The following TPRA1 variants were observed in gnomAD, a reference collection of about 807,000 sequenced individuals.
TPRA1 encodes transmembrane protein adipocyte-associated 1.
In TPRA1, 28 loss-of-function variants were observed where a neutral mutation model predicts 40.1. That is an observed-to-expected ratio of 0.70 (90% CI 0.52 to 0.96). The LOEUF (loss-of-function observed/expected upper bound fraction) is 0.96, where lower values mean the gene tolerates loss of function less well. TPRA1 is among the 40% of genes least tolerant of loss of function. The probability of loss-of-function intolerance (pLI) is 0.00; values close to 1 mark genes in which losing one functional copy is unlikely to be tolerated. For missense variants in TPRA1, 441 were observed against 482.6 expected, an observed-to-expected ratio of 0.91 and a Z score of 0.81; for synonymous variants, 219 against 209.7, an observed-to-expected ratio of 1.04 and a Z score of -0.38.
intron 1 of TPRA1, 89 bp downstream of exon 1, chr3:127,590,321 G>A (rs1268362087): frequency 6.6e-6 from 1 of 152,246 alleles, no homozygotes; most frequent in African/African-American, 2.4e-5. Flanking sequence ...GGAGCAAGGA[G>A]GGGAACGGCG....
chr3:127,577,248 G>T (rs950392045), intron 3 of TPRA1, among the ~76,000 whole-genome samples, 172 bp from the exon 4 acceptor site: 1 of 152,172 alleles, frequency 6.6e-6, no homozygotes, highest in Non-Finnish European at 1.5e-5. Flanking sequence ...AGGAAGCAAG[G>T]CTCACAGAGT....
At chr3:127,583,987 C>T (rs1182089281) in intron 1 of TPRA1, among the ~76,000 whole-genome samples, 1 of 151,606 alleles carries the variant, frequency 6.6e-6, no homozygotes, top group Non-Finnish European at 1.5e-5. Flanking sequence ...CTTTTATTTG[C>T]TCAGCAGACC....
At chr3:127,597,607 C>A (rs1392848683) in intron 1 of TPRA1, among the ~76,000 whole-genome samples, 1 of 152,142 alleles carries the variant, frequency 6.6e-6, no homozygotes, top group African/African-American at 2.4e-5. Context: ...CACATGGCAT[C>A]CTTCTATCTG....
chr3:127,595,038 A>G (rs2074228247), upstream of TPRA1: 1 of 152,286 alleles, frequency 6.6e-6, no homozygotes, highest in African/African-American at 2.4e-5. Flanking sequence ...AGGCTGCCTG[A>G]GTGTCCTCAA....
chr3:127,592,820 C>T (rs888401734), upstream of TPRA1, among the ~76,000 whole-genome samples: 1 of 152,196 alleles, frequency 6.6e-6, no homozygotes, highest in Non-Finnish European at 1.5e-5. Context: ...GTAACTGCTA[C>T]GTTGTACCCG....
rs192568153 is a variant in TPRA1, at chr3:127,585,165, G to C, written c.-17-5002C>G. 2.6e-4 allele frequency among the ~76,000 whole-genome samples: 39 copies of C among 152,304 alleles called. No individual in the cohort carries two copies. In the East Asian group the frequency reaches 7.3e-3, roughly 29 times the overall value. The stretch of plus-strand genomic sequence containing the variant: ...ATAAAGGTACTGCTTGGACTGGGTA[G>C]TCAAACAAGGTGACATTTTGAGCCG... On this transcript the variant is annotated intron_variant, in intron 1 of 10. Transcript: ENST00000355552.
chr3:127,576,697 C>G lies in TPRA1; in HGVS notation c.419-1G>C. 1 of 1,609,534 alleles carries G rather than the reference C, an allele frequency of 6.2e-7. No individual in the cohort carries two copies. The highest frequency in any genetic ancestry group is 8.5e-7 in the Non-Finnish European group (1 of 1,177,986). ...ATGCTGGACTTACTCTCCAGGTGGC[C>G]TGGAAGAAACATGCTGGTCAGCAGG... On this transcript the variant is annotated splice_acceptor_variant, in intron 5 of 10. Transcript: ENST00000355552. LOFTEE classifies it high-confidence loss of function. This position sits in a 1 kb window ranked among gnomAD's most constrained non-coding sequence, Gnocchi z 4.6.
chr3:127,590,968 G>A (rs924950485), upstream of TPRA1: 6 of 152,306 alleles, frequency 3.9e-5, no homozygotes, highest in Non-Finnish European at 5.9e-5. Flanking sequence ...CTCGGAAAGC[G>A]GGCGGAATCG....
Position 127,576,989 on chromosome 3 carries a change from C to A in TPRA1, c.345+1G>T, listed in dbSNP as rs1559835912. ...GCCTCCCTCAGAGGGCCCAGCCGCACCTTATCAGCAACAGTTGCAGCGTTC... is the reference window on the plus strand; with the variant it reads ...GCCTCCCTCAGAGGGCCCAGCCGCAACTTATCAGCAACAGTTGCAGCGTTC... On this transcript the variant is annotated splice_donor_variant, in intron 4 of 10. Transcript: ENST00000355552. LOFTEE classifies it high-confidence loss of function. The surrounding 1 kb of genome is among the most constrained non-coding windows in gnomAD (Gnocchi z 4.6). The A allele has an allele frequency of 1.2e-6, 2 of 1,613,860 alleles. No individual in the cohort carries two copies. Among genetic ancestry groups the A allele is most frequent in the Non-Finnish European group, 1.7e-6 (2 of 1,180,018 alleles).
chr3:127,579,776 G>C lies in TPRA1; in HGVS notation c.222C>G (p.Ile74Met). The stretch of plus-strand genomic sequence containing the variant: ...AGGTGATAAAAATGGGGCTGGAGGT[G>C]ATGCGGATCTTCGCCCGAGCAGATG... ...KLPSARAKIR[I>M]TSSPIFITFY... is the part of the protein sequence containing the mutation. The change falls in exon 3 of 11, where the codon ATC becomes ATG. Residue 74 changes from isoleucine (I) to methionine (M), a missense_variant. Physicochemically the swap from Ile to Met is conservative, Grantham distance 10. Coordinates refer to ENST00000355552, the MANE Select transcript of TPRA1 (RefSeq NM_001136053.4). The C allele has an allele frequency of 6.2e-7, 1 of 1,614,194 alleles. No individual in the cohort carries two copies. The highest frequency in any genetic ancestry group is 8.5e-7 in the Non-Finnish European group (1 of 1,180,040).
intron 1 of TPRA1, among the ~76,000 whole-genome samples, chr3:127,588,404 A>C (rs1316057091): frequency 6.6e-6 from 1 of 151,026 alleles, no homozygotes; most frequent in Non-Finnish European, 1.5e-5. Context: ...CTTAGGAAAT[A>C]ACTGAAGCAC....
At position 127,571,972 on chromosome 3, in the gene TPRA1, C is replaced by T. The variant is rs2107611239; in HGVS notation, c.*1549G>A. 1 of 152,284 alleles carries T rather than the reference C, an allele frequency of 6.6e-6. No individual in the cohort carries two copies. The highest frequency in any genetic ancestry group is 6.5e-5 in the Admixed American group (1 of 15,298). 9.4% of individuals were successfully genotyped at this position (152,284 alleles called of 1,614,324 possible). A position where few individuals can be genotyped will look rare whatever the true frequency, so the allele number is the denominator to read the frequency against. Reference sequence around the variant, plus strand: ...TGGTCAAATCCCTGCTGGCCCCAACCCTTACCCCGCTCACTCAGAATGCCG... The same window carrying T: ...TGGTCAAATCCCTGCTGGCCCCAACTCTTACCCCGCTCACTCAGAATGCCG... On this transcript the variant is annotated 3_prime_UTR_variant, in exon 11 of 11. Coordinates refer to ENST00000355552, the MANE Select transcript of TPRA1 (RefSeq NM_001136053.4).
intron 3 of TPRA1, among the ~76,000 whole-genome samples, chr3:127,578,165 T>C (rs1273684128): frequency 6.6e-6 from 1 of 152,258 alleles, no homozygotes; most frequent in East Asian, 1.9e-4. Context: ...CAGATCCATA[T>C]ATACTCTGTC....
chr3:127,582,012 A>C (rs943662002), intron 1 of TPRA1, among the ~76,000 whole-genome samples: 4 of 152,192 alleles, frequency 2.6e-5, no homozygotes, highest in Admixed American at 6.5e-5. Context: ...CCGCCCAGTG[A>C]GCTGCATGCC....
At chr3:127,589,339 T>C (rs967419256) in intron 1 of TPRA1, among the ~76,000 whole-genome samples, 5 of 151,878 alleles carry the variant, frequency 3.3e-5, no homozygotes, top group African/African-American at 9.7e-5. Context: ...AGCTACCGGA[T>C]AGGAAACCCT....
At chr3:127,581,895 C>G (rs1384855605) in intron 1 of TPRA1, among the ~76,000 whole-genome samples, 1 of 149,544 alleles carries the variant, frequency 6.7e-6, no homozygotes, top group African/African-American at 2.5e-5. Context: ...GTGCTCCAGC[C>G]TGGGCGACAG....
At chr3:127,574,738 G>A (rs190515491) in intron 10 of TPRA1, among the ~76,000 whole-genome samples, 4 of 152,204 alleles carry the variant, frequency 2.6e-5, no homozygotes, top group Admixed American at 6.5e-5. Context: ...TCTCTCTCTC[G>A]TGGGGAGAGT....
rs1489340596 is a variant in TPRA1, at chr3:127,575,197, C to T, written c.842G>A (p.Arg281Gln). The T allele has an allele frequency of 1.2e-6, 2 of 1,613,764 alleles. No individual in the cohort carries two copies. Among genetic ancestry groups the T allele is most frequent in the Non-Finnish European group, 1.7e-6 (2 of 1,179,988 alleles). Residue 281 changes from arginine (R) to glutamine (Q), a missense_variant, in exon 10 of 11, where the codon CGG becomes CAG. By Grantham distance (43) the Arg-to-Gln change is conservative. Coordinates refer to ENST00000355552, the MANE Select transcript of TPRA1 (RefSeq NM_001136053.4). ...FAPLIYVAFL[R>Q]GFFGSEPKIL... ...GCCACAGACTCACCCGAAGAAGCCC[C>T]GGAGGAAAGCCACGTAGATGAGCGG...
chr3:127,575,133 AGGCGCAGTTCCGCCGGCAGCCACGCGGG>A, intron 10 of TPRA1, 24 bp downstream of exon 10: 1 of 1,581,072 alleles, frequency 6.3e-7, no homozygotes, highest in Non-Finnish European at 8.7e-7. Flanking sequence ...TGCTGGAAGA[AGGCGCAGTTCCGCCGGCAGCCACGCGGG>A]GGCGCCGGCG....
Sources: allele counts gnomAD v4.1 joint callset (sites outside exome capture counted in the v4.1 genomes callset), GRCh38; gene constraint gnomAD v4.1.1; non-coding constraint Gnocchi (gnomAD v3.1); transcripts MANE v1.5; gene names NCBI Gene and HGNC (gene_info 2026-07-23, HGNC 2026-07-21).